AIMP1: variants seen among roughly 807,000 people sequenced by gnomAD.
The protein encoded by AIMP1 is aminoacyl tRNA synthetase complex interacting multifunctional protein 1.
AIMP1 carries 24 observed loss-of-function variants against 33.1 expected under a neutral mutation model. The ratio of observed to expected loss-of-function variants is 0.73; its 90% CI spans 0.53 to 1.02. The LOEUF is 1.02. Ranked by LOEUF, AIMP1 falls within the 50% of genes least tolerant of loss-of-function variation. AIMP1 has a pLI of 0.00. For synonymous variants in AIMP1, 120 were observed against 121.5 expected (o/e 0.99, Z 0.08); for missense variants, 367 against 364.8 (o/e 1.01, Z -0.05).
At chr4:106,333,182 A>G (rs1233537514) in intron 5 of AIMP1, among the ~76,000 whole-genome samples, 1 of 152,098 alleles carries the variant, frequency 6.6e-6, no homozygotes, top group Non-Finnish European at 1.5e-5. Context: ...CTTTTCTGCT[A>G]GTGTTATATT....
rs551586964 is a variant in AIMP1, at chr4:106,341,204, C to T, written c.772+4167C>T. 2.6e-5 allele frequency among the ~76,000 whole-genome samples: 4 copies of T among 152,222 alleles called. No individual in the cohort carries two copies. In the South Asian group the frequency reaches 8.3e-4, roughly 32 times the overall value. On this transcript the variant is annotated intron_variant, in intron 6 of 6. Coordinates refer to ENST00000672341, the MANE Select transcript of AIMP1 (RefSeq NM_001142416.2). ...TATTTTTTCCCATTCTTTAGGCTGT[C>T]TGTTTACTCTGCTGATAGTTTATTT...
Position 106,336,910 on chromosome 4 carries a change from T to C in AIMP1, c.645T>C (p.Pro215=). The C allele has an allele frequency of 6.2e-7, 1 of 1,614,100 alleles. No homozygotes were observed. The highest frequency in any genetic ancestry group is 1.1e-5 in the South Asian group (1 of 91,078). Residue 215 remains proline, a synonymous_variant, in exon 6 of 7, where the codon CCT becomes CCC. Coordinates refer to ENST00000672341, the MANE Select transcript of AIMP1 (RefSeq NM_001142416.2). ...RMVILLCNLK[P]AKMRGVLSQA... ...TGATTTTACTTTGTAACCTGAAACC[T>C]GCAAAGATGAGGGGAGTATTATCTC... is the stretch of plus-strand genomic sequence containing the variant.
At chr4:106,331,333 A>G (rs1445518130) in intron 4 of AIMP1, among the ~76,000 whole-genome samples, 3 of 152,224 alleles carry the variant, frequency 2.0e-5, no homozygotes, top group Non-Finnish European at 2.9e-5. Context: ...GTGCAAAAGT[A>G]TCCATAGATG....
intron 5 of AIMP1, among the ~76,000 whole-genome samples, chr4:106,335,615 T>C (rs560552714): frequency 6.6e-6 from 1 of 152,306 alleles, no homozygotes; most frequent in Admixed American, 6.5e-5. Flanking sequence ...TAAACACTTT[T>C]GCTGTAACTT....
intron 4 of AIMP1, among the ~76,000 whole-genome samples, chr4:106,328,755 C>T (rs1299519804): frequency 6.6e-6 from 1 of 152,178 alleles, no homozygotes; most frequent in African/African-American, 2.4e-5. Context: ...TCCCTATTCC[C>T]TGTTCTTCAT....
At chr4:106,330,679 C>A (rs1769641601) in intron 4 of AIMP1, among the ~76,000 whole-genome samples, 1 of 152,130 alleles carries the variant, frequency 6.6e-6, no homozygotes, top group South Asian at 2.1e-4. Flanking sequence ...TTTTGAGTGC[C>A]TTGACAACAT....
Position 106,348,210 on chromosome 4 carries a change from G to A in AIMP1, c.*518G>A. The A allele has an allele frequency of 6.6e-6, 1 of 152,118 alleles. No homozygotes were observed. Among genetic ancestry groups the A allele is most frequent in the East Asian group, 1.9e-4 (1 of 5,190 alleles). The allele number at this position is 152,118 out of a possible 1,614,324, so 9.4% of individuals were successfully genotyped here. ...CCAAACATAAAAGCTAGGAGAAGTG[G>A]CATCTGAACATTTTTGCTTTGCTGC... On this transcript the variant is annotated 3_prime_UTR_variant, in exon 7 of 7. Transcript: ENST00000672341.
In AIMP1 at chr4:106,348,511, C is replaced by G. The variant is rs1347445711; in HGVS notation, c.*819C>G. 2 of 151,010 alleles carry G rather than the reference C, an allele frequency of 1.3e-5. No homozygotes were observed. The highest frequency in any genetic ancestry group is 3.9e-4 in the East Asian group (2 of 5,160). 9.4% of individuals were successfully genotyped at this position (151,010 alleles called of 1,614,324 possible). A position where few individuals can be genotyped will look rare whatever the true frequency, so the allele number is the denominator to read the frequency against. On this transcript the variant is annotated 3_prime_UTR_variant, in exon 7 of 7. Transcript: ENST00000672341. ...TATCTTATTACAGACTGATATTTTG[C>G]TTTTTCATGTGTCATCATACTGTCA...
intron 2 of AIMP1, among the ~76,000 whole-genome samples, chr4:106,326,985 C>T (rs1476083510): frequency 1.3e-5 from 2 of 152,092 alleles, no homozygotes; most frequent in Non-Finnish European, 2.9e-5. Context: ...CCATGTTGCC[C>T]AGGCTGGTCT....
chr4:106,324,494 C>G (rs1201448149), intron 1 of AIMP1, among the ~76,000 whole-genome samples: 3 of 151,944 alleles, frequency 2.0e-5, no homozygotes, highest in African/African-American at 7.2e-5. Flanking sequence ...TTAATATTTT[C>G]TTAATTGTTG....
chr4:106,327,353 T>C (rs994307619), intron 2 of AIMP1, 98 bp from the exon 3 acceptor site: 35 of 838,732 alleles, frequency 4.2e-5, no homozygotes, highest in Admixed American at 7.9e-5. Context: ...GAGCTAGTAT[T>C]ATCCTAGCTG....
chr4:106,326,874 C>T (rs1769471799), intron 2 of AIMP1, among the ~76,000 whole-genome samples: 1 of 152,072 alleles, frequency 6.6e-6, no homozygotes, highest in Non-Finnish European at 1.5e-5. Context: ...ATCTCCAAGC[C>T]TCGATCAGTC....
At chr4:106,323,284 G>T (rs1769334834) in intron 1 of AIMP1, among the ~76,000 whole-genome samples, 1 of 151,966 alleles carries the variant, frequency 6.6e-6, no homozygotes, top group South Asian at 2.1e-4. Context: ...ATTCTTAGAA[G>T]ATTTTTTATA....
chr4:106,337,408 C>G (rs1340830357), intron 6 of AIMP1, among the ~76,000 whole-genome samples: 4 of 152,092 alleles, frequency 2.6e-5, no homozygotes, highest in Non-Finnish European at 5.9e-5. Context: ...GTGAATAAGT[C>G]TCATGAGATC....
chr4:106,341,619 A>G (rs1770102038), intron 6 of AIMP1, among the ~76,000 whole-genome samples: 2 of 151,682 alleles, frequency 1.3e-5, no homozygotes, highest in African/African-American at 2.4e-5. Flanking sequence ...CTTTATTTCT[A>G]TGTCCTTTAT....
chr4:106,316,628 G>C (rs1358581241), intron 1 of AIMP1, 34 bp downstream of exon 1: 2 of 1,548,896 alleles, frequency 1.3e-6, no homozygotes. Flanking sequence ...CTCACTCGGG[G>C]ATCGCCGATT....
chr4:106,347,793 T>C lies in AIMP1; in HGVS notation c.*101T>C. On this transcript the variant is annotated 3_prime_UTR_variant, in exon 7 of 7. Coordinates refer to ENST00000672341, the MANE Select transcript of AIMP1 (RefSeq NM_001142416.2). ...AAAATATGAGTGGCTCATTTTTGCA[T>C]TACTCTCTTCTAGACTTGACTAGTC... is the stretch of plus-strand genomic sequence containing the variant. The C allele has an allele frequency of 7.8e-7, 1 of 1,280,952 alleles. No individual in the cohort carries two copies. 79.3% of individuals were successfully genotyped at this position (1,280,952 alleles called of 1,614,324 possible).
intron 5 of AIMP1, among the ~76,000 whole-genome samples, chr4:106,335,756 G>A (rs1158193987): frequency 1.3e-5 from 2 of 151,616 alleles, no homozygotes; most frequent in African/African-American, 4.9e-5. Flanking sequence ...GTATTTCAGA[G>A]TAAATTTGCA....
At chr4:106,340,810 A>G (rs1264527547) in intron 6 of AIMP1, among the ~76,000 whole-genome samples, 1 of 152,192 alleles carries the variant, frequency 6.6e-6, no homozygotes, top group Non-Finnish European at 1.5e-5. Flanking sequence ...ATACCCAGTA[A>G]TGGGATTGCT....
Sources: gnomAD v4.1 joint callset for allele counts (sites outside exome capture counted in the v4.1 genomes callset) on GRCh38, gnomAD v4.1.1 for gene constraint, MANE v1.5 for transcripts, NCBI Gene and HGNC (gene_info 2026-07-23, HGNC 2026-07-21) for gene names.